The following TNRC6A variants were observed in gnomAD, a reference collection of about 807,000 sequenced individuals.
TNRC6A encodes the protein trinucleotide repeat containing adaptor 6A.
In TNRC6A, 44 loss-of-function variants were observed where a neutral mutation model predicts 221.2. That is an observed-to-expected ratio of 0.20 (90% CI 0.16 to 0.26). The LOEUF (loss-of-function observed/expected upper bound fraction) is 0.26. TNRC6A is among the 10% of genes least tolerant of loss of function. The probability of loss-of-function intolerance (pLI) is 1.00; values close to 1 mark genes in which losing one functional copy is unlikely to be tolerated. For synonymous variants in TNRC6A, 847 were observed against 838.5 expected (o/e 1.01, Z -0.18); for missense variants, 2,199 against 2,404.4 (o/e 0.91, Z 1.79).
At position 24,822,118 on chromosome 16, in the gene TNRC6A, T is replaced by G. The variant is rs1419282928; in HGVS notation, c.5344T>G (p.Trp1782Gly). 1.2e-6 allele frequency: 2 copies of G among 1,614,068 alleles called. No homozygotes were observed. The highest frequency in any genetic ancestry group is 1.7e-6 in the Non-Finnish European group (2 of 1,179,980). Residue 1782 changes from tryptophan (W) to glycine (G), a missense_variant, in exon 23 of 25, where the codon TGG (tryptophan) becomes GGG (glycine). Trp to Gly is a radical substitution (Grantham distance 184). Transcript: ENST00000395799. The stretch of plus-strand genomic sequence containing the variant: ...GAGCAGCTCAGGGAGAATAACAAAT[T>G]GGCTTGTTCTAAAAAACCTTACACC... ...GESSSGRITN[W>G]LVLKNLTPQI...
At chr16:24,740,793 T>C (rs2056874824) in intron 2 of TNRC6A, among the ~76,000 whole-genome samples, 1 of 152,228 alleles carries the variant, frequency 6.6e-6, no homozygotes, top group African/African-American at 2.4e-5. Flanking sequence ...ACCCGTTAAA[T>C]CATAACTCCC....
At chr16:24,785,311 A>G (rs1444371123) in intron 5 of TNRC6A, among the ~76,000 whole-genome samples, 2 of 152,326 alleles carry the variant, frequency 1.3e-5, no homozygotes, top group South Asian at 2.1e-4. Context: ...CTTGTTAACA[A>G]TTTCTTATAA....
intron 1 of TNRC6A, among the ~76,000 whole-genome samples, chr16:24,627,055 GA>G (rs1195745183): frequency 6.6e-6 from 1 of 151,824 alleles, no homozygotes; most frequent in Non-Finnish European, 1.5e-5. Flanking sequence ...TAAAGTTCAG[GA>G]GTAAATGTAT....
At chr16:24,769,164 G>A (rs1596657704) in intron 4 of TNRC6A, among the ~76,000 whole-genome samples, 2 of 151,778 alleles carry the variant, frequency 1.3e-5, no homozygotes, top group African/African-American at 2.4e-5. Context: ...CAATTAAGAG[G>A]CTATTTTTTA....
Position 24,789,637 on chromosome 16 carries a change from A to C in TNRC6A, c.995A>C (p.Glu332Ala). 1 of 1,614,182 alleles carries C rather than the reference A, an allele frequency of 6.2e-7. No individual in the cohort carries two copies. The highest frequency in any genetic ancestry group is 8.5e-7 in the Non-Finnish European group (1 of 1,180,046). ...STCQVSVDAP[E>A]SKSESSNNRM... ...TGTCAGGTCTCTGTGGATGCTCCTG[A>C]AAGCAAATCTGAAAGTAGCAACAAT... The change falls in exon 6 of 25, where the codon GAA (glutamate) becomes GCA (alanine). Residue 332 changes from glutamate (E) to alanine (A), a missense_variant. By Grantham distance (107) the Glu-to-Ala change is moderately radical (BLOSUM62 -1). Coordinates refer to ENST00000395799, the MANE Select transcript of TNRC6A (RefSeq NM_014494.4).
chr16:24,691,392 T>G (rs1463699039), intron 2 of TNRC6A, among the ~76,000 whole-genome samples: 1 of 152,118 alleles, frequency 6.6e-6, no homozygotes, highest in African/African-American at 2.4e-5. Context: ...CCATTTTACA[T>G]TTTTAAATAA....
chr16:24,732,829 G>A (rs1176010186), intron 2 of TNRC6A, among the ~76,000 whole-genome samples: 1 of 152,204 alleles, frequency 6.6e-6, no homozygotes, highest in Non-Finnish European at 1.5e-5. Flanking sequence ...CCTGGGAGTG[G>A]CGCAGAATCG....
In TNRC6A at chr16:24,777,045, TCAGCAGCCACAGCAG is replaced by T. The variant is rs1372734189; in HGVS notation, c.284_298del (p.Pro95_Gln99del). ...ATGCCAAGCGAGCTACAGCCAACAA[TCAGCAGCCACAGCAG>T]CAGCAGCAACAGCAGCAGCCGCAGC... is the stretch of plus-strand genomic sequence containing the variant. On this transcript the variant is annotated inframe_deletion, in exon 5 of 25. Transcript: ENST00000395799. 12 of 1,613,142 alleles carry T rather than the reference TCAGCAGCCACAGCAG, an allele frequency of 7.4e-6. No homozygotes were observed. In the East Asian group the frequency reaches 1.1e-4, roughly 15 times the overall value.
chr16:24,655,582 G>A (rs141011741), intron 2 of TNRC6A, among the ~76,000 whole-genome samples: 237 of 152,026 alleles, frequency 1.6e-3, no homozygotes, highest in Non-Finnish European at 2.7e-3. Context: ...CCAGCTACTC[G>A]GGAGGCTGAA....
At chr16:24,667,552 A>G (rs934879221) in intron 2 of TNRC6A, among the ~76,000 whole-genome samples, 2 of 152,196 alleles carry the variant, frequency 1.3e-5, no homozygotes, top group African/African-American at 4.8e-5. Flanking sequence ...ACAGACAGGG[A>G]GGGGAGGAGA....
At chr16:24,732,229 T>G (rs2056661333) in intron 2 of TNRC6A, among the ~76,000 whole-genome samples, 1 of 152,220 alleles carries the variant, frequency 6.6e-6, no homozygotes, top group African/African-American at 2.4e-5. Context: ...GATGCTTCCT[T>G]CATCTCCATC....
intron 9 of TNRC6A, among the ~76,000 whole-genome samples, chr16:24,797,163 C>G (rs553393687): frequency 3.3e-5 from 5 of 152,100 alleles, no homozygotes; most frequent in African/African-American, 9.7e-5. Flanking sequence ...TAAATTATAA[C>G]TAATCTTACA....
chr16:24,728,454 T>A (rs544706729), upstream of TNRC6A, among the ~76,000 whole-genome samples: 2 of 147,614 alleles, frequency 1.4e-5, no homozygotes, highest in East Asian at 2.0e-4. Context: ...CTAAAAAAAA[T>A]GATAATATAA....
At chr16:24,669,941 C>CTTTTTTTTTTTT (rs535737725) in intron 2 of TNRC6A, among the ~76,000 whole-genome samples, 781 of 27,178 alleles carry the variant, frequency 0.029, 274 homozygotes, top group East Asian at 0.087. Flanking sequence ...GAGGCAGCTA[C>CTTTTTTTTTTTT]TTTTTTTTTT....
chr16:24,628,114 A>T (rs1480899592), intron 1 of TNRC6A, among the ~76,000 whole-genome samples: 1 of 151,690 alleles, frequency 6.6e-6, no homozygotes. Flanking sequence ...TTACTTATAC[A>T]TGGATTGTTT....
At chr16:24,633,488 G>A (rs2141692202) in intron 1 of TNRC6A, among the ~76,000 whole-genome samples, 1 of 151,970 alleles carries the variant, frequency 6.6e-6, no homozygotes, top group South Asian at 2.1e-4. Context: ...TCCACCTCCC[G>A]GGTTCAAGCG....
chr16:24,815,464 A>T, intron 19 of TNRC6A, 159 bp downstream of exon 19: 1 of 832,172 alleles, frequency 1.2e-6, no homozygotes, highest in Non-Finnish European at 1.9e-6. Flanking sequence ...TTAAGCATGA[A>T]GTCTTGGGCA....
At chr16:24,801,573 T>C (rs1300992421) in intron 11 of TNRC6A, among the ~76,000 whole-genome samples, 1 of 146,816 alleles carries the variant, frequency 6.8e-6, no homozygotes, top group African/African-American at 2.6e-5. Flanking sequence ...TCACTGAGGC[T>C]GGAGTGCAGT....
Position 24,792,860 on chromosome 16 carries a change from T to C in TNRC6A, c.3176-613T>C, listed in dbSNP as rs190485314. 4.5e-3 allele frequency among the ~76,000 whole-genome samples: 670 copies of C among 149,374 alleles called. 6 individuals are homozygous for C. The highest frequency in any genetic ancestry group is 6.8e-3 in the Non-Finnish European group (459 of 67,510). ...CTGAAGTGCAGTGGCATGATCTCGGTTCACTGCAGCCTCCACCTCCCAGGT... is the reference window on the plus strand; with the variant it reads ...CTGAAGTGCAGTGGCATGATCTCGGCTCACTGCAGCCTCCACCTCCCAGGT... On this transcript the variant is annotated intron_variant, in intron 6 of 24. Coordinates refer to ENST00000395799, the MANE Select transcript of TNRC6A (RefSeq NM_014494.4).
Sources: allele counts gnomAD v4.1 joint callset (sites outside exome capture counted in the v4.1 genomes callset), GRCh38; gene constraint gnomAD v4.1.1; transcripts MANE v1.5; gene names NCBI Gene and HGNC (gene_info 2026-07-23, HGNC 2026-07-21).